Variants in CACHD1 observed in about 807,000 individuals in gnomAD.
CACHD1 encodes VWFA and cache domain-containing protein 1.
A neutral mutation model predicts 138.7 loss-of-function variants in CACHD1; 71 were observed. That is an observed-to-expected ratio of 0.51 (90% CI 0.42 to 0.62). The LOEUF is 0.62. Ranked by LOEUF, CACHD1 falls within the 20% of genes least tolerant of loss-of-function variation. CACHD1 has a pLI of 0.00. For missense variants in CACHD1, 1,389 were observed against 1,625.3 expected (o/e 0.85, Z 2.50); for synonymous variants, 578 against 591.5 (o/e 0.98, Z 0.33).
intron 7 of CACHD1, among the ~76,000 whole-genome samples, chr1:64,636,968 A>C (rs1290652902): frequency 6.6e-6 from 1 of 152,192 alleles, no homozygotes; most frequent in Non-Finnish European, 1.5e-5. Context: ...TTGGCCTACC[A>C]GCTTTGGCAA....
chr1:64,569,245 T>C (rs139385698), intron 2 of CACHD1, among the ~76,000 whole-genome samples: 45 of 152,216 alleles, frequency 3.0e-4, no homozygotes, highest in African/African-American at 1.1e-3. Context: ...TTTATATTTG[T>C]AAAAATAGAA....
intron 4 of CACHD1, among the ~76,000 whole-genome samples, chr1:64,605,722 G>C (rs1301526983): frequency 6.6e-6 from 1 of 152,184 alleles, no homozygotes; most frequent in Non-Finnish European, 1.5e-5. Flanking sequence ...GTCAGATCTT[G>C]GAGGATCTGG....
intron 7 of CACHD1, among the ~76,000 whole-genome samples, chr1:64,641,024 T>C (rs1195254221): frequency 1.3e-5 from 2 of 152,096 alleles, no homozygotes; most frequent in Non-Finnish European, 2.9e-5. Flanking sequence ...TCCAATGGCA[T>C]GGTTTTTGTT....
At chr1:64,520,926 A>G (rs1418573814) in intron 1 of CACHD1, among the ~76,000 whole-genome samples, 1 of 152,156 alleles carries the variant, frequency 6.6e-6, no homozygotes, top group Non-Finnish European at 1.5e-5. Context: ...GTTTATCTCT[A>G]CAGGTAGGTT....
At chr1:64,576,433 TATGCTTGCTG>T (rs1304981641) in intron 2 of CACHD1, among the ~76,000 whole-genome samples, 1 of 151,962 alleles carries the variant, frequency 6.6e-6, no homozygotes, top group Admixed American at 6.6e-5. Flanking sequence ...GAGGTTCTGT[TATGCTTGCTG>T]AGCAGCCTGG....
chr1:64,681,541 G>GGTTTTTTTTTGTTTTTTTTT (rs1553146851), intron 25 of CACHD1, among the ~76,000 whole-genome samples: 46 of 68,056 alleles, frequency 6.8e-4, no homozygotes, highest in East Asian at 2.9e-3. Context: ...ATTTTATTGT[G>GGTTTTTTTTTGTTTTTTTTT]TTTTTTTTTT....
intron 21 of CACHD1, 38 bp from the exon 22 acceptor site, chr1:64,676,857 G>T: frequency 6.6e-7 from 1 of 1,519,562 alleles, no homozygotes; most frequent in Non-Finnish European, 9.1e-7. Flanking sequence ...GAATGTGGGC[G>T]GTGGTCGTCT....
At chr1:64,512,760 AG>A (rs1646432031) in intron 1 of CACHD1, among the ~76,000 whole-genome samples, 1 of 152,256 alleles carries the variant, frequency 6.6e-6, no homozygotes, top group Non-Finnish European at 1.5e-5. Flanking sequence ...TGTTTTGAAT[AG>A]CTGATACAAA....
chr1:64,568,918 T>G (rs1370451102), intron 2 of CACHD1, among the ~76,000 whole-genome samples: 3 of 152,170 alleles, frequency 2.0e-5, no homozygotes, highest in Non-Finnish European at 4.4e-5. Flanking sequence ...TTTTTGGTTT[T>G]TTTGTTTGTT....
At chr1:64,553,308 C>T (rs1312403581) in intron 2 of CACHD1, among the ~76,000 whole-genome samples, 1 of 152,172 alleles carries the variant, frequency 6.6e-6, no homozygotes, top group East Asian at 1.9e-4. Context: ...CACTTCAGTA[C>T]CTTCTTGACT....
chr1:64,606,262 G>A (rs540368217), intron 4 of CACHD1, among the ~76,000 whole-genome samples: 2 of 152,274 alleles, frequency 1.3e-5, no homozygotes, highest in Admixed American at 1.3e-4. Flanking sequence ...AATACGGTTG[G>A]CTGTCGGGGG....
intron 3 of CACHD1, among the ~76,000 whole-genome samples, chr1:64,594,066 C>T (rs1294263773): frequency 6.6e-6 from 1 of 151,982 alleles, no homozygotes; most frequent in Non-Finnish European, 1.5e-5. Context: ...CCAGCCTGTC[C>T]AACATGGTGA....
intron 1 of CACHD1, among the ~76,000 whole-genome samples, chr1:64,499,301 A>T (rs1646324263): frequency 6.6e-6 from 1 of 152,158 alleles, no homozygotes; most frequent in South Asian, 2.1e-4. Flanking sequence ...ATAAAATTGG[A>T]TTCTAGCAAC....
rs141072181 is a variant in CACHD1 at position 64,652,303 on chromosome 1, C to T, written c.1533C>T (p.Asp511=). ...DSLASYTFLI[D]DKGYTLMHPS... is the part of the protein sequence containing the mutation. ...TGGCTTCCTATACTTTTCTCATAGA[C>T]GACAAAGGTAATCTGCTAAATGTTC... Residue 511 remains aspartate, a synonymous_variant, in exon 10 of 27, where the codon GAC becomes GAT. Transcript: ENST00000651257. The T allele has an allele frequency of 1.3e-5, 21 of 1,604,076 alleles. No individual in the cohort carries two copies. Among genetic ancestry groups the T allele is most frequent in the Middle Eastern group, 1.7e-4 (1 of 6,014 alleles).
intron 1 of CACHD1, among the ~76,000 whole-genome samples, chr1:64,476,158 T>C (rs1386071981): frequency 6.6e-6 from 1 of 152,128 alleles, no homozygotes; most frequent in Non-Finnish European, 1.5e-5. Context: ...GGTAGCCAAA[T>C]CAGTAGTTCA....
At chr1:64,536,128 C>G (rs1646631142) in intron 1 of CACHD1, among the ~76,000 whole-genome samples, 1 of 152,200 alleles carries the variant, frequency 6.6e-6, no homozygotes, top group Non-Finnish European at 1.5e-5. Flanking sequence ...GCAATGATCA[C>G]ATGATCTAAT....
intron 1 of CACHD1, among the ~76,000 whole-genome samples, chr1:64,506,847 C>T (rs898761046): frequency 6.6e-6 from 1 of 152,134 alleles, no homozygotes; most frequent in African/African-American, 2.4e-5. Context: ...CATCAAATTG[C>T]CTGTTCTTCG....
intron 1 of CACHD1, among the ~76,000 whole-genome samples, chr1:64,489,664 G>A (rs1646262695): frequency 6.6e-6 from 1 of 152,134 alleles, no homozygotes; most frequent in African/African-American, 2.4e-5. Context: ...ATGAGATGAG[G>A]TTTGTAAGAA....
intron 2 of CACHD1, among the ~76,000 whole-genome samples, chr1:64,574,823 A>G (rs1469914768): frequency 6.6e-6 from 1 of 152,208 alleles, no homozygotes; most frequent in Non-Finnish European, 1.5e-5. Flanking sequence ...TCCTTCAGCT[A>G]GTAAATGACA....
Sources: gnomAD v4.1 joint callset for allele counts (sites outside exome capture counted in the v4.1 genomes callset) on GRCh38, gnomAD v4.1.1 for gene constraint, MANE v1.5 for transcripts, NCBI Gene and HGNC (gene_info 2026-07-23, HGNC 2026-07-21) for gene names.